The following SBNO1 variants were observed in gnomAD, a reference collection of about 807,000 sequenced individuals.
SBNO1 encodes protein strawberry notch homolog 1.
A neutral mutation model predicts 173.6 loss-of-function variants in SBNO1; 23 were observed. The ratio of observed to expected loss-of-function variants is 0.13; its 90% confidence interval spans 0.10 to 0.19. The LOEUF (loss-of-function observed/expected upper bound fraction) is 0.19. Ranked by LOEUF, SBNO1 falls within the 10% of genes least tolerant of loss-of-function variation. The pLI is 1.00. For synonymous variants in SBNO1, 632 were observed against 571.5 expected (o/e 1.11, Z -1.51); for missense variants, 1,238 against 1,671.2 (o/e 0.74, Z 4.52).
intron 1 of SBNO1, chr12:123,364,113 G>A: frequency 1.0e-6 from 1 of 985,638 alleles, no homozygotes; most frequent in Non-Finnish European, 1.2e-6. Flanking sequence ...GGAGAGGCGT[G>A]AAGGGAGCCT....
At chr12:123,350,152 G>A (rs1873708789) in intron 2 of SBNO1, among the ~76,000 whole-genome samples, 158 bp downstream of exon 2, 1 of 151,936 alleles carries the variant, frequency 6.6e-6, no homozygotes, top group Non-Finnish European at 1.5e-5. Flanking sequence ...TACTTGGGGG[G>A]CTGAGGCAGA....
intron 1 of SBNO1, among the ~76,000 whole-genome samples, chr12:123,360,347 C>G: frequency 6.6e-6 from 1 of 152,178 alleles, no homozygotes; most frequent in African/African-American, 2.4e-5. Context: ...AGGACTAGCC[C>G]TGAGTGTTCT....
intron 1 of SBNO1, among the ~76,000 whole-genome samples, chr12:123,360,222 G>T (rs139430206): frequency 5.4e-4 from 79 of 147,004 alleles, no homozygotes; most frequent in African/African-American, 1.8e-3. Flanking sequence ...CTCCAGCCTC[G>T]GTGACAAGAG....
chr12:123,339,983 C>T (rs1204778278), intron 5 of SBNO1, among the ~76,000 whole-genome samples: 2 of 152,168 alleles, frequency 1.3e-5, no homozygotes, highest in African/African-American at 4.8e-5. Context: ...ATACTCAAAA[C>T]CCAAGCTCCA....
chr12:123,322,649 T>C (rs1870122684), intron 16 of SBNO1, among the ~76,000 whole-genome samples: 1 of 151,262 alleles, frequency 6.6e-6, no homozygotes, highest in African/African-American at 2.4e-5. Context: ...CTCACACCTG[T>C]AATCCCAGCA....
chr12:123,310,034 A>C (rs11057254), intron 25 of SBNO1, among the ~76,000 whole-genome samples, 178 bp from the exon 26 acceptor site: 80,432 of 152,062 alleles, frequency 0.53, 25,422 homozygotes, highest in East Asian at 0.7. Flanking sequence ...GCACCACTGC[A>C]GGACACGCTC....
chr12:123,328,629 A>G (rs1870848758), intron 10 of SBNO1, 105 bp downstream of exon 10: 2 of 929,226 alleles, frequency 2.2e-6, no homozygotes, highest in Admixed American at 5.8e-5. Flanking sequence ...TAAAGTTTTC[A>G]CTCCAGCAAC....
At chr12:123,342,388 C>T (rs544604227) in intron 4 of SBNO1, among the ~76,000 whole-genome samples, 68 of 152,048 alleles carry the variant, frequency 4.5e-4, no homozygotes, top group African/African-American at 1.5e-3. Flanking sequence ...GAGGCAGAGC[C>T]TGCAATGAGC....
intron 5 of SBNO1, 84 bp downstream of exon 5, chr12:123,340,904 T>C: frequency 1.2e-6 from 1 of 838,456 alleles, no homozygotes; most frequent in Non-Finnish European, 1.9e-6. Context: ...AACAGCTTTC[T>C]GAGGGTTGTT....
intron 30 of SBNO1, among the ~76,000 whole-genome samples, chr12:123,299,447 C>T (rs12821431): frequency 0.16 from 24,687 of 151,742 alleles, 2,371 homozygotes; most frequent in Middle Eastern, 0.27. Context: ...TTTGGGAGGC[C>T]GAAGCAGGCA....
Position 123,328,047 on chromosome 12 carries a change from G to C in SBNO1, c.1297-20C>G. 6.3e-7 allele frequency: 1 copy of C among 1,580,760 alleles called. No homozygotes were observed. Among genetic ancestry groups the C allele is most frequent in the Non-Finnish European group, 8.6e-7 (1 of 1,156,380 alleles). On this transcript the variant is annotated intron_variant, in intron 10 of 31. Transcript: ENST00000602398. ...CACTATCTAAATGGAATGAGTTAAG[G>C]AATGTATCACATTAGTATTAAGTAA... is the stretch of plus-strand genomic sequence containing the variant.
At chr12:123,361,887 T>C (rs1008800235) in intron 1 of SBNO1, among the ~76,000 whole-genome samples, 1 of 152,150 alleles carries the variant, frequency 6.6e-6, no homozygotes, top group Non-Finnish European at 1.5e-5. Flanking sequence ...ACGCCTGTAA[T>C]CCCAGCACTT....
At chr12:123,359,362 T>G (rs976665197) in intron 1 of SBNO1, among the ~76,000 whole-genome samples, 2 of 151,684 alleles carry the variant, frequency 1.3e-5, no homozygotes, top group African/African-American at 4.8e-5. Flanking sequence ...CTGGCCAACA[T>G]ATACACTGGC....
At chr12:123,347,962 C>T (rs758880632) in intron 3 of SBNO1, 67 bp downstream of exon 3, 20 of 962,792 alleles carry the variant, frequency 2.1e-5, no homozygotes, top group African/African-American at 1.6e-5. Flanking sequence ...TCACCACACC[C>T]GGCCATGTTT....
chr12:123,340,594 AAAAAAAAAAAAG>A (rs1872431849), intron 5 of SBNO1, among the ~76,000 whole-genome samples: 1 of 150,956 alleles, frequency 6.6e-6, no homozygotes, highest in African/African-American at 2.4e-5. Context: ...AAAAAAAAAA[AAAAAAAAAAAAG>A]AATCACTCAT....
At chr12:123,353,345 A>T (rs1467950306) in intron 1 of SBNO1, among the ~76,000 whole-genome samples, 2 of 152,090 alleles carry the variant, frequency 1.3e-5, no homozygotes, top group Non-Finnish European at 2.9e-5. Flanking sequence ...AAGTGGTAGA[A>T]GATTAGAAAC....
intron 3 of SBNO1, among the ~76,000 whole-genome samples, chr12:123,346,145 G>T (rs11057284): frequency 6.6e-6 from 1 of 151,944 alleles, no homozygotes; most frequent in Non-Finnish European, 1.5e-5. Context: ...GCCAGGCACA[G>T]TGGTGTGCAC....
rs557284340 is a variant in SBNO1 at position 123,325,423 on chromosome 12, C to T, written c.1973+79G>A. On this transcript the variant is annotated intron_variant, in intron 15 of 31. Transcript: ENST00000602398. ...TGCAGGTGAAACAAAAGTTTTGTCTCCAGGAAATGCCCACATTGGAACTAA... is the reference window on the plus strand; with the variant it reads ...TGCAGGTGAAACAAAAGTTTTGTCTTCAGGAAATGCCCACATTGGAACTAA... 4 of 986,964 alleles carry T rather than the reference C, an allele frequency of 4.1e-6. No homozygotes were observed. In the East Asian group the frequency reaches 7.3e-5, roughly 18 times the overall value. The allele number at this position is 986,964 out of a possible 1,614,324, so 61.1% of individuals were successfully genotyped here.
chr12:123,343,985 G>A (rs1226132243), intron 4 of SBNO1, among the ~76,000 whole-genome samples: 1 of 152,022 alleles, frequency 6.6e-6, no homozygotes, highest in African/African-American at 2.4e-5. Flanking sequence ...TAGATATCTT[G>A]TTCAGTCAGC....
Sources: allele counts gnomAD v4.1 joint callset (sites outside exome capture counted in the v4.1 genomes callset), GRCh38; gene constraint gnomAD v4.1.1; transcripts MANE v1.5; gene names NCBI Gene and HGNC (gene_info 2026-07-23, HGNC 2026-07-21).